Variants in GALK1 observed in about 807,000 individuals in gnomAD.
The protein encoded by GALK1 is galactokinase 1.
A neutral mutation model predicts 38.6 loss-of-function variants in GALK1; 30 were observed. The ratio of observed to expected loss-of-function variants is 0.78; its 90% CI spans 0.58 to 1.05. The LOEUF (loss-of-function observed/expected upper bound fraction) is 1.05. Ranked by LOEUF, GALK1 falls within the 50% of genes least tolerant of loss-of-function variation. The pLI, the probability that GALK1 is intolerant of heterozygous loss-of-function variation, is 0.00. For missense variants in GALK1, 512 were observed against 540.5 expected (o/e 0.95, Z 0.52); for synonymous variants, 240 against 233.6 (o/e 1.03, Z -0.25).
intron 5 of GALK1, among the ~76,000 whole-genome samples, chr17:75,760,923 GC>G (rs974297326): frequency 2.0e-5 from 3 of 152,054 alleles, no homozygotes; most frequent in African/African-American, 7.2e-5. Flanking sequence ...AAAAAAGATG[GC>G]CAGGCACAGT....
At chr17:75,753,219 C>T (rs1414470726), downstream of GALK1, among the ~76,000 whole-genome samples, 1 of 152,228 alleles carries the variant, frequency 6.6e-6, no homozygotes, top group Middle Eastern at 3.2e-3. Context: ...CTCAAGCTGC[C>T]CCCGGTGAAC....
Position 75,762,857 on chromosome 17 carries a change from A to G in GALK1, c.640T>C (p.Ser214Pro), listed in dbSNP as rs773178321. ...RSLETSLVPL[S>P]DPKLAVLITN... Reference sequence around the variant, plus strand: ...ATGAGCACGGCCAGCTTGGGGTCCGAGAGTGGCACCAGGCTGGTCTCCAAG... The same window carrying G: ...ATGAGCACGGCCAGCTTGGGGTCCGGGAGTGGCACCAGGCTGGTCTCCAAG... Residue 214 changes from serine (S) to proline (P), a missense_variant, in exon 5 of 8, where the codon TCG becomes CCG. Ser to Pro is a moderately conservative substitution (Grantham distance 74). Coordinates refer to ENST00000588479, the MANE Select transcript of GALK1 (RefSeq NM_000154.2). The G allele has an allele frequency of 6.8e-6, 11 of 1,613,568 alleles. No individual in the cohort carries two copies. The highest frequency in any genetic ancestry group is 7.6e-6 in the Non-Finnish European group (9 of 1,179,902).
At chr17:75,757,845 G>A (rs1035183432), downstream of GALK1, 12 of 674,724 alleles carry the variant, frequency 1.8e-5, no homozygotes, top group South Asian at 3.6e-5. Flanking sequence ...TTCTTCTGGG[G>A]CCTGAGAGGT....
At chr17:75,761,880 C>T (rs933301268) in intron 5 of GALK1, among the ~76,000 whole-genome samples, 7 of 151,932 alleles carry the variant, frequency 4.6e-5, no homozygotes, top group Non-Finnish European at 5.9e-5. Context: ...ATGTGCCAGG[C>T]GTAGTGGCGG....
Position 75,758,440 on chromosome 17 carries a change from G to A in GALK1, c.944+9C>T. 6.3e-7 allele frequency: 1 copy of A among 1,575,016 alleles called. No homozygotes were observed. The highest frequency in any genetic ancestry group is 1.2e-5 in the South Asian group (1 of 86,442). On this transcript the variant is annotated intron_variant, in intron 6 of 7. Transcript: ENST00000588479. Reference sequence around the variant, plus strand: ...GCCCGGCAGGAGCGGGGCGCCCAGAGGGCCTCACCTGAGTGAGCGGTGGCT... The same window carrying A: ...GCCCGGCAGGAGCGGGGCGCCCAGAAGGCCTCACCTGAGTGAGCGGTGGCT...
intron 3 of GALK1, 85 bp downstream of exon 3, chr17:75,763,235 C>T: frequency 1.2e-6 from 2 of 1,611,210 alleles, no homozygotes; most frequent in Non-Finnish European, 1.7e-6. Flanking sequence ...CCCTGCCACC[C>T]CCTCCATAAG....
Position 75,758,173 on chromosome 17 carries a change from G to A in GALK1, c.1107+37C>T, listed in dbSNP as rs771092692. On this transcript the variant is annotated intron_variant, in intron 7 of 7. Coordinates refer to ENST00000588479, the MANE Select transcript of GALK1 (RefSeq NM_000154.2). ...GTGAGTGGCAGGGCCCCGGGAAGCT[G>A]CCGCTCCTGCCCGCCCAGGCCCTGG... 5.0e-6 allele frequency: 8 copies of A among 1,610,334 alleles called. No individual in the cohort carries two copies. The Admixed American group carries it at 8.4e-5, about 17-fold the overall frequency.
At chr17:75,756,708 C>G (rs57812564), downstream of GALK1, 2,336 of 1,613,434 alleles carry the variant, frequency 1.4e-3, 36 homozygotes, top group African/African-American at 0.028. Flanking sequence ...CCCCAGGCTC[C>G]GCCTTCACTT....
At chr17:75,756,684 T>C (rs772406120), downstream of GALK1, 6 of 1,612,974 alleles carry the variant, frequency 3.7e-6, no homozygotes, top group Non-Finnish European at 2.5e-6. Flanking sequence ...AGGCTGATGC[T>C]CTTCCTCTAC....
chr17:75,752,535 T>G (rs1257849183), intron 8 of GALK1: 1 of 1,613,544 alleles, frequency 6.2e-7, no homozygotes, highest in East Asian at 2.2e-5. Context: ...CGTTCTACGC[T>G]CTCCATCGGG....
rs539329332 is a variant in GALK1 at position 75,760,649 on chromosome 17, G to A, written c.794-2050C>T. 6.6e-5 allele frequency among the ~76,000 whole-genome samples: 10 copies of A among 151,876 alleles called. No individual in the cohort carries two copies. The South Asian group carries it at 1.5e-3, about 22-fold the overall frequency. On this transcript the variant is annotated intron_variant, in intron 5 of 7. Transcript: ENST00000588479. ...AAATTAACTCGCTCTGGTGGCACAC[G>A]CCTGTAGTCCCAGCCACTCCAGAGG...
downstream of GALK1, chr17:75,756,390 A>G (rs2603507): frequency 6.2e-7 from 1 of 1,609,712 alleles, no homozygotes; most frequent in Non-Finnish European, 8.5e-7. Flanking sequence ...GGGTGGGAGT[A>G]ACACTGCACT....
At chr17:75,756,607 T>C, downstream of GALK1, 1 of 1,612,746 alleles carries the variant, frequency 6.2e-7, no homozygotes, top group Non-Finnish European at 8.5e-7. Context: ...GCCCACTGTG[T>C]CCCCTGCCAG....
chr17:75,757,646 T>TG, downstream of GALK1: 1 of 1,565,986 alleles, frequency 6.4e-7, no homozygotes, highest in Non-Finnish European at 8.8e-7. Flanking sequence ...CTTGCACCCC[T>TG]GGGGGCCCAG....
At chr17:75,756,851 A>AAGG, downstream of GALK1, 1 of 1,612,234 alleles carries the variant, frequency 6.2e-7, no homozygotes, top group Non-Finnish European at 8.5e-7. Context: ...GAGATGGCCC[A>AAGG]AGGAGGAGGT....
At chr17:75,761,655 C>T (rs981597852) in intron 5 of GALK1, among the ~76,000 whole-genome samples, 35 of 149,348 alleles carry the variant, frequency 2.3e-4, no homozygotes, top group East Asian at 2.0e-4. Context: ...AGAGCCACAC[C>T]GAGATATGCC....
chr17:75,759,433 AAAAG>A (rs1555748086), intron 5 of GALK1, among the ~76,000 whole-genome samples: 26 of 149,466 alleles, frequency 1.7e-4, no homozygotes, highest in African/African-American at 2.5e-4. Flanking sequence ...CTCTCAAAAA[AAAAG>A]AAAGAAAGAA....
At chr17:75,756,461 G>GC (rs1419406459), downstream of GALK1, 1 of 1,613,300 alleles carries the variant, frequency 6.2e-7, no homozygotes, top group Admixed American at 1.7e-5. Flanking sequence ...CCCCAACCCT[G>GC]CCCAGACCTC....
At chr17:75,759,532 G>A (rs755960626) in intron 5 of GALK1, among the ~76,000 whole-genome samples, 1 of 152,090 alleles carries the variant, frequency 6.6e-6, no homozygotes, top group Non-Finnish European at 1.5e-5. Flanking sequence ...GAGGGAAGGA[G>A]CCAGGCAGCC....
Sources: gnomAD v4.1 joint callset for allele counts (sites outside exome capture counted in the v4.1 genomes callset) on GRCh38, gnomAD v4.1.1 for gene constraint, MANE v1.5 for transcripts, NCBI Gene and HGNC (gene_info 2026-07-23, HGNC 2026-07-21) for gene names.